The following TIAM2 variants were observed in gnomAD, a reference collection of about 807,000 sequenced individuals.
The protein encoded by TIAM2 is TIAM Rac1 associated GEF 2.
In TIAM2, 80 loss-of-function variants were observed where a neutral mutation model predicts 152.9. The ratio of observed to expected loss-of-function variants is 0.52; its 90% confidence interval spans 0.44 to 0.63. TIAM2 has a LOEUF of 0.63. Among genes scored for constraint, TIAM2 ranks in the 30% least tolerant of loss-of-function variants. The pLI, the probability that TIAM2 is intolerant of heterozygous loss-of-function variation, is 0.00. For synonymous variants in TIAM2, 804 were observed against 838.0 expected, an observed-to-expected ratio of 0.96 and a Z score of 0.70; for missense variants, 1,965 against 2,120.1, an observed-to-expected ratio of 0.93 and a Z score of 1.44.
Position 155,179,345 on chromosome 6 carries a change from A to G in TIAM2, c.2629-33A>G, listed in dbSNP as rs764035559. ...ATTTTTTGAGGTATCATAACATGAG[A>G]TCCTCTGATTTTGTTGTTTTCACCT... On this transcript the variant is annotated intron_variant, in intron 11 of 26. Transcript: ENST00000682666. The G allele has an allele frequency of 5.6e-6, 9 of 1,604,140 alleles. No individual in the cohort carries two copies. In the African/African-American group the frequency reaches 1.2e-4, roughly 21 times the overall value.
At chr6:155,254,355 C>A (rs775737136) in intron 25 of TIAM2, 64 bp from the exon 26 acceptor site, 2 of 1,572,616 alleles carry the variant, frequency 1.3e-6, no homozygotes, top group Non-Finnish European at 1.7e-6. Flanking sequence ...CACAGGCGGG[C>A]GTGGAATGGA....
intron 1 of TIAM2, among the ~76,000 whole-genome samples, chr6:155,025,873 CACAG>C (rs1182826565): frequency 7.4e-5 from 8 of 108,398 alleles, no homozygotes; most frequent in African/African-American, 2.1e-4. Context: ...CACACACACA[CACAG>C]AAAAGAAAGA....
At chr6:155,008,581 C>T (rs1381345736) in intron 1 of TIAM2, among the ~76,000 whole-genome samples, 1 of 135,420 alleles carries the variant, frequency 7.4e-6, no homozygotes, top group Non-Finnish European at 1.6e-5. Flanking sequence ...AGGGACCTTC[C>T]TTTTCTGGAA....
intron 14 of TIAM2, among the ~76,000 whole-genome samples, chr6:155,184,457 G>A (rs1780985948): frequency 6.6e-6 from 1 of 152,152 alleles, no homozygotes; most frequent in South Asian, 2.1e-4. Context: ...TTCATGTACT[G>A]CAGTCAAGTA....
At chr6:155,234,648 A>G (rs1374965386) in intron 15 of TIAM2, among the ~76,000 whole-genome samples, 2 of 152,016 alleles carry the variant, frequency 1.3e-5, no homozygotes, top group African/African-American at 4.8e-5. Context: ...CAAGTGATCC[A>G]CCTGCCTCAT....
intron 14 of TIAM2, among the ~76,000 whole-genome samples, chr6:155,198,554 C>T (rs766116981): frequency 2.0e-5 from 3 of 149,194 alleles, no homozygotes; most frequent in Admixed American, 6.8e-5. Flanking sequence ...CCCAGCTACT[C>T]GGAAGGCTGA....
At position 155,250,966 on chromosome 6, in the gene TIAM2, GA is replaced by G; in HGVS notation, c.4007del (p.Asn1336IlefsTer6). The G allele has an allele frequency of 6.2e-7, 1 of 1,614,172 alleles. No individual in the cohort carries two copies. Among genetic ancestry groups the G allele is most frequent in the Non-Finnish European group, 8.5e-7 (1 of 1,180,040 alleles). On this transcript the variant is annotated frameshift_variant, in exon 22 of 27. Transcript: ENST00000682666. LOFTEE classifies it high-confidence loss of function. ...TGATGCACTCTACGGTTTCCTGGTT[GA>G]ATCCATTTCTGTCTCTAGGAAAAGC... ...LLMHSTVSWL[N>X]PFLSLGKARK...
chr6:155,034,551 G>C (rs919930558), intron 1 of TIAM2, among the ~76,000 whole-genome samples: 8 of 152,164 alleles, frequency 5.3e-5, no homozygotes, highest in African/African-American at 1.9e-4. Flanking sequence ...CAAAGCGCCT[G>C]GCTAGGTCCA....
chr6:155,142,204 C>T (rs890846078), intron 5 of TIAM2, among the ~76,000 whole-genome samples: 11 of 151,678 alleles, frequency 7.3e-5, no homozygotes, highest in African/African-American at 2.2e-4. Context: ...TGCAGAGTCC[C>T]GTGAAGTTGA....
chr6:155,056,747 T>C (rs1182369418), intron 1 of TIAM2, among the ~76,000 whole-genome samples: 2 of 152,094 alleles, frequency 1.3e-5, no homozygotes, highest in African/African-American at 4.8e-5. Context: ...TCTTATATTA[T>C]TATAGTATAT....
Position 155,163,345 on chromosome 6 carries a change from G to A in TIAM2, c.2029-1070G>A, listed in dbSNP as rs545769124. On this transcript the variant is annotated intron_variant, in intron 7 of 26. Coordinates refer to ENST00000682666, the MANE Select transcript of TIAM2 (RefSeq NM_012454.4). ...TTCTGCTGAGTCCCTGTGTTGGCAA[G>A]TCACAAGAGCCTCTCTTCACCTATT... is the stretch of plus-strand genomic sequence containing the variant. Among the ~76,000 whole-genome samples the A allele has an allele frequency of 4.6e-4, 70 of 152,282 alleles. 1 individual carries two copies. The highest frequency in any genetic ancestry group is 1.2e-3 in the Admixed American group (19 of 15,298).
chr6:155,114,431 G>A (rs73573783), intron 2 of TIAM2, among the ~76,000 whole-genome samples: 9,722 of 151,850 alleles, frequency 0.064, 543 homozygotes, highest in African/African-American at 0.15. Context: ...TCAGGAAGAT[G>A]CCCCTTGGTT....
intron 19 of TIAM2, 21 bp from the exon 20 acceptor site, chr6:155,247,979 C>T: frequency 1.9e-6 from 3 of 1,611,340 alleles, no homozygotes; most frequent in Non-Finnish European, 2.5e-6. Flanking sequence ...CTTCTGAGGT[C>T]TTTTATCCAT....
intron 2 of TIAM2, among the ~76,000 whole-genome samples, chr6:155,114,050 C>CTT (rs1275422426): frequency 3.9e-4 from 23 of 58,250 alleles, no homozygotes; most frequent in African/African-American, 8.7e-4. Context: ...TTTTTTTTTT[C>CTT]TTTTTTTTTT....
intron 15 of TIAM2, among the ~76,000 whole-genome samples, chr6:155,227,250 G>A (rs568399970): frequency 1.3e-5 from 2 of 152,344 alleles, no homozygotes; most frequent in Non-Finnish European, 2.9e-5. Context: ...GCTGTGAGGT[G>A]AAATAAAGAC....
chr6:155,003,056 A>G (rs144080228), intron 1 of TIAM2, among the ~76,000 whole-genome samples: 181 of 152,248 alleles, frequency 1.2e-3, no homozygotes, highest in African/African-American at 4.2e-3. Flanking sequence ...ACACTCTTAA[A>G]TGGTGGTTGA....
intron 1 of TIAM2, among the ~76,000 whole-genome samples, chr6:155,030,345 C>G (rs1776799564): frequency 6.6e-6 from 1 of 152,200 alleles, no homozygotes; most frequent in South Asian, 2.1e-4. Flanking sequence ...TAGGTTGTTA[C>G]AATTGAACTG....
chr6:155,146,414 C>G (rs1328064500), intron 6 of TIAM2, among the ~76,000 whole-genome samples: 5 of 152,090 alleles, frequency 3.3e-5, no homozygotes, highest in Admixed American at 6.6e-5. Flanking sequence ...CCCAGGTGTT[C>G]TGTTTTGTGA....
At chr6:155,099,740 C>T (rs913443062) in intron 2 of TIAM2, among the ~76,000 whole-genome samples, 1 of 152,178 alleles carries the variant, frequency 6.6e-6, no homozygotes, top group Non-Finnish European at 1.5e-5. Flanking sequence ...AGTTAATATG[C>T]AGTATAGTCA....
Sources: gnomAD v4.1 joint callset for allele counts (sites outside exome capture counted in the v4.1 genomes callset) on GRCh38, gnomAD v4.1.1 for gene constraint, MANE v1.5 for transcripts, NCBI Gene and HGNC (gene_info 2026-07-23, HGNC 2026-07-21) for gene names.